The following DAP variants were observed in gnomAD, a reference collection of about 807,000 sequenced individuals.
DAP encodes the protein death associated protein.
In DAP, 8 loss-of-function variants were observed where a neutral mutation model predicts 13.8. The ratio of observed to expected loss-of-function variants is 0.58; its 90% CI spans 0.34 to 1.05. The LOEUF is 1.05. DAP is among the 50% of genes least tolerant of loss of function. The pLI is 0.03. For missense variants in DAP, 106 were observed against 133.2 expected, an observed-to-expected ratio of 0.80 and a Z score of 1.01; for synonymous variants, 47 against 47.5, an observed-to-expected ratio of 0.99 and a Z score of 0.04.
At chr5:10,736,744 A>G (rs1739622752) in intron 2 of DAP, among the ~76,000 whole-genome samples, 1 of 152,164 alleles carries the variant, frequency 6.6e-6, no homozygotes, top group African/African-American at 2.4e-5. Flanking sequence ...AATCTTCCTG[A>G]TTCTCCTTCC....
chr5:10,720,157 T>G (rs1739101119), intron 2 of DAP, among the ~76,000 whole-genome samples: 1 of 152,200 alleles, frequency 6.6e-6, no homozygotes, highest in Admixed American at 6.5e-5. Context: ...TTATACATAA[T>G]ACCTTTGACC....
At chr5:10,690,146 G>A (rs1415548549) in intron 2 of DAP, among the ~76,000 whole-genome samples, 1 of 152,180 alleles carries the variant, frequency 6.6e-6, no homozygotes, top group Non-Finnish European at 1.5e-5. Context: ...TGTGTTGCAT[G>A]AGAAAGTCTT....
At chr5:10,691,601 T>C (rs1250209609) in intron 2 of DAP, among the ~76,000 whole-genome samples, 1 of 152,254 alleles carries the variant, frequency 6.6e-6, no homozygotes, top group Non-Finnish European at 1.5e-5. Flanking sequence ...TTTAATCTGA[T>C]GAAAATCATT....
intron 2 of DAP, among the ~76,000 whole-genome samples, chr5:10,717,332 C>T (rs966238800): frequency 1.3e-5 from 2 of 152,154 alleles, no homozygotes; most frequent in African/African-American, 2.4e-5. Flanking sequence ...TGACCTGAAA[C>T]AAAAGGTTCG....
chr5:10,688,098 T>C (rs1003084108), intron 2 of DAP, among the ~76,000 whole-genome samples: 16 of 152,094 alleles, frequency 1.1e-4, no homozygotes, highest in African/African-American at 3.9e-4. Flanking sequence ...GTATTTTTAG[T>C]AGAGACAGGG....
At chr5:10,704,028 C>G (rs1738643362) in intron 2 of DAP, among the ~76,000 whole-genome samples, 1 of 152,222 alleles carries the variant, frequency 6.6e-6, no homozygotes, top group Non-Finnish European at 1.5e-5. Context: ...AACAGGGCGT[C>G]CTGCCTGTCA....
At chr5:10,688,897 T>G (rs1328003658) in intron 2 of DAP, among the ~76,000 whole-genome samples, 1 of 152,014 alleles carries the variant, frequency 6.6e-6, no homozygotes, top group African/African-American at 2.4e-5. Context: ...AGCCCCACTG[T>G]GTAGTAGCTG....
intron 2 of DAP, among the ~76,000 whole-genome samples, chr5:10,726,055 C>T (rs1739280682): frequency 6.6e-6 from 1 of 152,184 alleles, no homozygotes; most frequent in African/African-American, 2.4e-5. Flanking sequence ...TCCCCAAGGA[C>T]CGATTAAGTT....
rs544203821 is a variant in DAP, at chr5:10,734,497, C to T, written c.152+13678G>A. 2.0e-5 allele frequency among the ~76,000 whole-genome samples: 3 copies of T among 152,326 alleles called. No individual in the cohort carries two copies. The East Asian group carries it at 5.8e-4, about 29-fold the overall frequency. On this transcript the variant is annotated intron_variant, in intron 2 of 3. Coordinates refer to ENST00000230895, the MANE Select transcript of DAP (RefSeq NM_004394.3). ...ATGGGTACCCATATGCTGTGCCGCT[C>T]TGTGGCGAGGCTTTGATTCACTGCC... is the stretch of plus-strand genomic sequence containing the variant.
At chr5:10,737,315 C>T (rs1342672527) in intron 2 of DAP, among the ~76,000 whole-genome samples, 7 of 147,454 alleles carry the variant, frequency 4.7e-5, no homozygotes, top group Non-Finnish European at 1.0e-4. Context: ...CACTGCACTC[C>T]AGCCTGGGCG....
At chr5:10,689,433 C>T (rs528662508) in intron 2 of DAP, among the ~76,000 whole-genome samples, 3 of 152,324 alleles carry the variant, frequency 2.0e-5, no homozygotes, top group South Asian at 2.1e-4. Flanking sequence ...GTTGCAGCGT[C>T]TAAGAGTCCA....
intron 2 of DAP, 145 bp downstream of exon 2, chr5:10,748,029 TC>T (rs3217459): frequency 0.077 from 47,813 of 623,044 alleles, 2,141 homozygotes; most frequent in African/African-American, 0.14. Context: ...AGCCCCCTCC[TC>T]CCTGATTAGG....
intron 2 of DAP, among the ~76,000 whole-genome samples, chr5:10,699,378 A>G (rs2930049): frequency 0.24 from 37,085 of 152,104 alleles, 4,685 homozygotes; most frequent in Middle Eastern, 0.37. Context: ...CTCTCCACTA[A>G]CAGGCATTTG....
intron 2 of DAP, among the ~76,000 whole-genome samples, chr5:10,736,164 G>A (rs1057118330): frequency 1.3e-5 from 2 of 152,320 alleles, no homozygotes; most frequent in South Asian, 2.1e-4. Context: ...CTTCCCCAGC[G>A]CCTGCAGAGG....
chr5:10,692,632 C>T (rs1204029692), intron 2 of DAP, among the ~76,000 whole-genome samples: 3 of 152,338 alleles, frequency 2.0e-5, no homozygotes, highest in African/African-American at 7.2e-5. Flanking sequence ...CTCAGCTATT[C>T]TCCCAACTGC....
At chr5:10,748,845 T>G (rs1208958542) in intron 1 of DAP, among the ~76,000 whole-genome samples, 1 of 152,252 alleles carries the variant, frequency 6.6e-6, no homozygotes, top group Non-Finnish European at 1.5e-5. Flanking sequence ...ATGTAATTCA[T>G]GTAGAATACA....
chr5:10,726,912 T>C (rs1275454280), intron 2 of DAP, among the ~76,000 whole-genome samples: 2 of 152,088 alleles, frequency 1.3e-5, no homozygotes, highest in Non-Finnish European at 2.9e-5. Flanking sequence ...CACTTATGCA[T>C]GTAGTGGAAT....
At chr5:10,684,459 C>T (rs1047716779) in intron 2 of DAP, among the ~76,000 whole-genome samples, 3 of 152,164 alleles carry the variant, frequency 2.0e-5, no homozygotes, top group African/African-American at 7.2e-5. Context: ...GATGCAGTAC[C>T]AAAGCAGTAC....
chr5:10,724,451 A>T (rs1739233416), intron 2 of DAP, among the ~76,000 whole-genome samples: 2 of 152,206 alleles, frequency 1.3e-5, no homozygotes, highest in Admixed American at 1.3e-4. Context: ...ACACATGCAC[A>T]AATCTTGCAC....
Sources: gnomAD v4.1 joint callset for allele counts (sites outside exome capture counted in the v4.1 genomes callset) on GRCh38, gnomAD v4.1.1 for gene constraint, MANE v1.5 for transcripts, NCBI Gene and HGNC (gene_info 2026-07-23, HGNC 2026-07-21) for gene names.